The following NHEJ1 variants were observed in gnomAD, a reference collection of about 807,000 sequenced individuals.
The protein encoded by NHEJ1 is non-homologous end joining factor 1.
NHEJ1 carries 22 observed loss-of-function variants against 39.4 expected under a neutral mutation model. The observed-to-expected ratio is 0.56, with a 90% CI of 0.40 to 0.80. The LOEUF is 0.80. Ranked by LOEUF, NHEJ1 falls within the 30% of genes least tolerant of loss-of-function variation. The pLI is 0.00. For missense variants in NHEJ1, 329 were observed against 357.1 expected (o/e 0.92, Z 0.63); for synonymous variants, 154 against 135.6 (o/e 1.14, Z -0.94).
At chr2:219,100,306 A>C (rs1027970449) in intron 5 of NHEJ1, among the ~76,000 whole-genome samples, 78 of 152,306 alleles carry the variant, frequency 5.1e-4, no homozygotes, top group African/African-American at 1.9e-3. Context: ...GAAACCTTCA[A>C]GAATGGTGAA....
At chr2:219,128,044 A>G (rs1949541298) in intron 5 of NHEJ1, among the ~76,000 whole-genome samples, 1 of 152,222 alleles carries the variant, frequency 6.6e-6, no homozygotes, top group Non-Finnish European at 1.5e-5. Flanking sequence ...ACAGGTTTAG[A>G]GCAAGACCTC....
At chr2:219,137,533 A>G (rs1949643176) in intron 5 of NHEJ1, among the ~76,000 whole-genome samples, 1 of 150,366 alleles carries the variant, frequency 6.7e-6, no homozygotes, top group Admixed American at 6.7e-5. Context: ...ACAGTCGTTA[A>G]CAATTGAACT....
At chr2:219,102,519 T>G (rs911493103) in intron 5 of NHEJ1, 1 of 152,052 alleles carries the variant, frequency 6.6e-6, no homozygotes, top group Non-Finnish European at 1.5e-5. Flanking sequence ...TAGGCTGTAG[T>G]GCGCTACGCC....
chr2:219,117,042 C>T (rs1224361681), intron 5 of NHEJ1, among the ~76,000 whole-genome samples: 1 of 152,102 alleles, frequency 6.6e-6, no homozygotes, highest in African/African-American at 2.4e-5. Context: ...ACCTGGGCTC[C>T]ATCCAACACA....
rs543895582 is a variant in NHEJ1, at chr2:219,118,288, C to T, written c.588+28392G>A. 4.6e-5 allele frequency among the ~76,000 whole-genome samples: 7 copies of T among 152,266 alleles called. No homozygotes were observed. The South Asian group carries it at 1.0e-3, about 23-fold the overall frequency. On this transcript the variant is annotated intron_variant, in intron 5 of 7. Transcript: ENST00000356853. ...CACCCAATGGATTTCATTCTTTTCA[C>T]GAAATGTTGGGCTGCCCTACTACAA...
intron 5 of NHEJ1, among the ~76,000 whole-genome samples, chr2:219,116,721 G>T (rs1392974224): frequency 6.6e-6 from 1 of 152,122 alleles, no homozygotes; most frequent in Non-Finnish European, 1.5e-5. Flanking sequence ...CATAATACAT[G>T]AGAACAAGCA....
At chr2:219,107,715 C>A (rs1949326754) in intron 5 of NHEJ1, among the ~76,000 whole-genome samples, 1 of 152,158 alleles carries the variant, frequency 6.6e-6, no homozygotes, top group South Asian at 2.1e-4. Context: ...ATTTCCCATA[C>A]CACATGCCCT....
chr2:219,093,665 A>G (rs1028129729), intron 5 of NHEJ1, among the ~76,000 whole-genome samples: 6 of 152,224 alleles, frequency 3.9e-5, no homozygotes, highest in African/African-American at 1.4e-4. Context: ...AGGAGAAGTG[A>G]CTGGGAAAGG....
At chr2:219,121,163 G>A (rs966786336) in intron 5 of NHEJ1, among the ~76,000 whole-genome samples, 1 of 151,228 alleles carries the variant, frequency 6.6e-6, no homozygotes, top group East Asian at 1.9e-4. Flanking sequence ...CCAAGAATGC[G>A]CCATTGCACT....
chr2:219,124,373 G>A (rs1317286005), intron 5 of NHEJ1, among the ~76,000 whole-genome samples: 3 of 152,060 alleles, frequency 2.0e-5, no homozygotes, highest in African/African-American at 7.3e-5. Context: ...TCACCATCCA[G>A]CATATCTGAC....
intron 3 of NHEJ1, among the ~76,000 whole-genome samples, chr2:219,151,911 T>C (rs1574745055): frequency 1.3e-5 from 2 of 152,114 alleles, no homozygotes; most frequent in Non-Finnish European, 2.9e-5. Context: ...GAGGCTGCAG[T>C]GAGCCGAGAT....
chr2:219,158,241 A>C lies in NHEJ1; in HGVS notation c.122T>G (p.Leu41Arg), dbSNP rs1949876605. The change falls in exon 2 of 8, where the codon CTT becomes CGT. Residue 41 changes from leucine to arginine, a missense_variant. Physicochemically the swap from Leu to Arg is moderately radical, Grantham distance 102. Coordinates refer to ENST00000356853, the MANE Select transcript of NHEJ1 (RefSeq NM_024782.3). Reference protein sequence around the residue: ...KQGYALLVSDLQQVWHEQVDT... With the variant: ...KQGYALLVSDRQQVWHEQVDT... ...CACCTGTTCATGCCACACCTGTTGA[A>C]GATCTGAAACCAACAAGGCATAGCC... 6.2e-7 allele frequency: 1 copy of C among 1,614,232 alleles called. No individual in the cohort carries two copies. Among genetic ancestry groups the C allele is most frequent in the Admixed American group, 1.7e-5 (1 of 60,028 alleles).
intron 5 of NHEJ1, among the ~76,000 whole-genome samples, chr2:219,102,167 T>C (rs1949267768): frequency 6.6e-6 from 1 of 152,230 alleles, no homozygotes; most frequent in South Asian, 2.1e-4. Flanking sequence ...TGTTTAATAA[T>C]TTTATAGAGT....
intron 5 of NHEJ1, among the ~76,000 whole-genome samples, chr2:219,085,463 G>A (rs990241982): frequency 2.0e-5 from 3 of 152,168 alleles, no homozygotes; most frequent in South Asian, 2.1e-4. Flanking sequence ...TTGAAGGTCC[G>A]AATGTGAAAC....
At chr2:219,133,897 C>T (rs992599017) in intron 5 of NHEJ1, among the ~76,000 whole-genome samples, 1 of 152,238 alleles carries the variant, frequency 6.6e-6, no homozygotes, top group Non-Finnish European at 1.5e-5. Context: ...CAGGTCCCTG[C>T]TTCCACACCA....
chr2:219,094,130 A>G (rs1949185308), intron 5 of NHEJ1, among the ~76,000 whole-genome samples: 1 of 152,192 alleles, frequency 6.6e-6, no homozygotes, highest in African/African-American at 2.4e-5. Flanking sequence ...ACTCATTCTC[A>G]ACAGGGTACC....
At chr2:219,091,231 C>G (rs1459880244) in intron 5 of NHEJ1, among the ~76,000 whole-genome samples, 3 of 152,130 alleles carry the variant, frequency 2.0e-5, no homozygotes, top group Non-Finnish European at 4.4e-5. Flanking sequence ...CTGCCAATCT[C>G]TCACTGAGTT....
chr2:219,137,058 T>C (rs971447975), intron 5 of NHEJ1, among the ~76,000 whole-genome samples: 16 of 149,616 alleles, frequency 1.1e-4, no homozygotes, highest in African/African-American at 3.9e-4. Context: ...GAGGTCTTTT[T>C]AGCTCTTCTT....
chr2:219,088,517 C>T (rs1227004207), intron 5 of NHEJ1, among the ~76,000 whole-genome samples: 1 of 151,868 alleles, frequency 6.6e-6, no homozygotes, highest in Non-Finnish European at 1.5e-5. Context: ...AAAAAATTAA[C>T]ATTTTATTGA....
Sources: gnomAD v4.1 joint callset for allele counts (sites outside exome capture counted in the v4.1 genomes callset) on GRCh38, gnomAD v4.1.1 for gene constraint, MANE v1.5 for transcripts, NCBI Gene and HGNC (gene_info 2026-07-23, HGNC 2026-07-21) for gene names.